RPS6KC1: variants seen among roughly 807,000 people sequenced by gnomAD.
RPS6KC1 encodes ribosomal protein S6 kinase C1.
RPS6KC1 carries 54 observed loss-of-function variants against 103.8 expected under a neutral mutation model. That is an observed-to-expected ratio of 0.52 (90% CI 0.42 to 0.65). The LOEUF is 0.65. Among genes scored for constraint, RPS6KC1 ranks in the 30% least tolerant of loss-of-function variants. The pLI is 0.00. For synonymous variants in RPS6KC1, 439 were observed against 438.7 expected, an observed-to-expected ratio of 1.00 and a Z score of -0.01; for missense variants, 1,151 against 1,253.8, an observed-to-expected ratio of 0.92 and a Z score of 1.24.
At chr1:213,704,139 G>C in the RPS6KC1 span, among the ~76,000 whole-genome samples, 5 of 151,966 alleles carry the variant, frequency 3.3e-5, no homozygotes, top group Non-Finnish European at 5.9e-5. Context: ...TGTAATCCCA[G>C]CACTTTGGGA....
chr1:213,596,261 C>T, the RPS6KC1 span, among the ~76,000 whole-genome samples: 1 of 152,164 alleles, frequency 6.6e-6, no homozygotes, highest in African/African-American at 2.4e-5. Flanking sequence ...TGGAGTGATA[C>T]CTTGGGGCTA....
the RPS6KC1 span, among the ~76,000 whole-genome samples, chr1:213,854,561 T>TTTCTTTCTTTC: frequency 1.1e-5 from 1 of 94,950 alleles, no homozygotes; most frequent in Non-Finnish European, 2.0e-5. Context: ...TCTTTCTTTC[T>TTTCTTTCTTTC]TTCTCTCTCT....
chr1:213,861,469 A>C, the RPS6KC1 span, among the ~76,000 whole-genome samples: 1 of 152,196 alleles, frequency 6.6e-6, no homozygotes, highest in Non-Finnish European at 1.5e-5. Context: ...GTTGCAGGGC[A>C]AGGAAAACAA....
At chr1:213,335,899 G>A in the RPS6KC1 span, among the ~76,000 whole-genome samples, 1 of 152,204 alleles carries the variant, frequency 6.6e-6, no homozygotes, top group Non-Finnish European at 1.5e-5. Flanking sequence ...AAAAGGCCAA[G>A]GAGGTGATCC....
the RPS6KC1 span, chr1:213,836,111 G>A: frequency 1.3e-5 from 2 of 151,928 alleles, no homozygotes; most frequent in Non-Finnish European, 2.9e-5. Context: ...ATCAAAACAT[G>A]CCAAACACAC....
At chr1:213,668,405 A>ACCCCCC in the RPS6KC1 span, among the ~76,000 whole-genome samples, 6 of 39,818 alleles carry the variant, frequency 1.5e-4, no homozygotes, top group Non-Finnish European at 2.2e-4. Context: ...CCGCCGCACC[A>ACCCCCC]CCCCCACCCC....
At chr1:213,299,948 G>A in the RPS6KC1 span, among the ~76,000 whole-genome samples, 1 of 152,122 alleles carries the variant, frequency 6.6e-6, no homozygotes, top group Non-Finnish European at 1.5e-5. Flanking sequence ...GAGACTACAG[G>A]TGCCTGCCAC....
At chr1:213,754,785 T>G in the RPS6KC1 span, among the ~76,000 whole-genome samples, 2 of 152,216 alleles carry the variant, frequency 1.3e-5, no homozygotes, top group African/African-American at 4.8e-5. Context: ...TACAACCCCA[T>G]TTCCAAATAC....
the RPS6KC1 span, among the ~76,000 whole-genome samples, chr1:213,495,406 C>T: frequency 6.6e-6 from 1 of 152,164 alleles, no homozygotes. Context: ...ACTGCACCCT[C>T]TGCCTCCCGG....
At chr1:213,704,016 CT>C in the RPS6KC1 span, among the ~76,000 whole-genome samples, 2 of 151,948 alleles carry the variant, frequency 1.3e-5, no homozygotes, top group Non-Finnish European at 2.9e-5. Flanking sequence ...ATTATTTTTT[CT>C]TTTGTATCTT....
At position 213,160,261 on chromosome 1, in the gene RPS6KC1, T is replaced by C. The variant is rs2090331726; in HGVS notation, c.836-7597T>C. Reference sequence around the variant, plus strand: ...CCTTTACAAAATATTACGGAACACATCATTCAAAATTATAACTGTCAAACA... The same window carrying C: ...CCTTTACAAAATATTACGGAACACACCATTCAAAATTATAACTGTCAAACA... On this transcript the variant is annotated intron_variant, in intron 6 of 14. Coordinates refer to ENST00000366960, the MANE Select transcript of RPS6KC1 (RefSeq NM_012424.6). 2.6e-5 allele frequency among the ~76,000 whole-genome samples: 4 copies of C among 152,212 alleles called. No individual in the cohort carries two copies. The South Asian group carries it at 8.3e-4, about 32-fold the overall frequency.
the RPS6KC1 span, among the ~76,000 whole-genome samples, chr1:213,596,098 G>T: frequency 6.6e-6 from 1 of 152,240 alleles, no homozygotes; most frequent in Non-Finnish European, 1.5e-5. Flanking sequence ...CCTGAGTTAT[G>T]AAAATGACAG....
At chr1:213,630,578 T>C in the RPS6KC1 span, among the ~76,000 whole-genome samples, 1 of 152,240 alleles carries the variant, frequency 6.6e-6, no homozygotes, top group Admixed American at 6.5e-5. Context: ...TTCTCTCAAC[T>C]CGTCAAAGTC....
chr1:213,159,002 T>G (rs1023718074), intron 6 of RPS6KC1, among the ~76,000 whole-genome samples: 20 of 152,196 alleles, frequency 1.3e-4, no homozygotes, highest in African/African-American at 4.8e-4. Flanking sequence ...ATCTCTCATG[T>G]AGTGAGAACT....
At chr1:213,717,482 C>T in the RPS6KC1 span, among the ~76,000 whole-genome samples, 1 of 152,160 alleles carries the variant, frequency 6.6e-6, no homozygotes, top group African/African-American at 2.4e-5. Flanking sequence ...TTGGAAAGTA[C>T]ATTAGTTGGC....
chr1:213,093,819 A>T (rs2081205267), intron 3 of RPS6KC1, among the ~76,000 whole-genome samples: 1 of 152,180 alleles, frequency 6.6e-6, no homozygotes, highest in African/African-American at 2.4e-5. Context: ...CATGTCAGCT[A>T]GTGTTAGCTA....
the RPS6KC1 span, among the ~76,000 whole-genome samples, chr1:213,441,122 A>G: frequency 1.3e-4 from 20 of 152,212 alleles, no homozygotes; most frequent in Admixed American, 1.3e-3. Flanking sequence ...TATAGAGTAA[A>G]TTCAGTGCTA....
chr1:213,723,805 C>A, the RPS6KC1 span, among the ~76,000 whole-genome samples: 1 of 152,208 alleles, frequency 6.6e-6, no homozygotes, highest in African/African-American at 2.4e-5. Flanking sequence ...ACAACAGACA[C>A]AAATCCACAT....
chr1:213,850,497 CCT>C, the RPS6KC1 span, among the ~76,000 whole-genome samples: 2 of 152,152 alleles, frequency 1.3e-5, no homozygotes, highest in Non-Finnish European at 1.5e-5. Context: ...ACTAAAACCC[CCT>C]GTTTTGGGTC....
Sources: gnomAD v4.1 joint callset for allele counts (sites outside exome capture counted in the v4.1 genomes callset) on GRCh38, gnomAD v4.1.1 for gene constraint, MANE v1.5 for transcripts, NCBI Gene and HGNC (gene_info 2026-07-23, HGNC 2026-07-21) for gene names.